XNDC1N: variants seen among roughly 807,000 people sequenced by gnomAD.
XNDC1N encodes the protein protein XNDC1N.
chr11:71,910,434 T>C, the XNDC1N span, among the ~76,000 whole-genome samples: 6 of 152,002 alleles, frequency 3.9e-5, no homozygotes, highest in East Asian at 7.7e-4. Flanking sequence ...TTGGACCGGG[T>C]TTCCCCAAGG....
the XNDC1N span, among the ~76,000 whole-genome samples, chr11:71,907,788 T>C: frequency 1.3e-5 from 2 of 152,118 alleles, no homozygotes; most frequent in Non-Finnish European, 2.9e-5. Context: ...GGGAACGATA[T>C]CCTTGGGGGT....
the XNDC1N span, among the ~76,000 whole-genome samples, chr11:71,908,494 C>A: frequency 6.6e-6 from 1 of 152,030 alleles, no homozygotes; most frequent in African/African-American, 2.4e-5. Flanking sequence ...CCATTCCACT[C>A]CTCCCTCAAC....
chr11:71,914,077 C>A, the XNDC1N span, among the ~76,000 whole-genome samples: 1 of 152,186 alleles, frequency 6.6e-6, no homozygotes, highest in East Asian at 1.9e-4. Context: ...TGTTTTCATG[C>A]CTACGAACGT....
the XNDC1N span, among the ~76,000 whole-genome samples, chr11:71,873,004 T>C: frequency 1.8e-4 from 28 of 152,294 alleles, 1 homozygote; most frequent in South Asian, 5.6e-3. Context: ...TCTCTTTTTC[T>C]CATGATGTTT....
chr11:71,910,378 C>T, the XNDC1N span, among the ~76,000 whole-genome samples: 22 of 152,156 alleles, frequency 1.4e-4, no homozygotes, highest in African/African-American at 4.6e-4. Flanking sequence ...AAGCTGTTTG[C>T]CTTTCAGTGG....
the XNDC1N span, among the ~76,000 whole-genome samples, chr11:71,906,612 A>G: frequency 4.6e-3 from 697 of 152,296 alleles, 6 homozygotes; most frequent in South Asian, 6.8e-3. Context: ...TACGAATTTT[A>G]TGACAGGGTC....
chr11:71,895,916 C>T, the XNDC1N span, among the ~76,000 whole-genome samples: 1 of 152,164 alleles, frequency 6.6e-6, no homozygotes, highest in Non-Finnish European at 1.5e-5. Flanking sequence ...CAGATCTGTA[C>T]ATTAAATGAA....
At chr11:71,927,743 CAAAT>C in the XNDC1N span, 1 of 152,100 alleles carries the variant, frequency 6.6e-6, no homozygotes, top group Non-Finnish European at 1.5e-5. Context: ...AAAAAATAAG[CAAAT>C]AAATCATAAT....
chr11:71,927,811 T>C, the XNDC1N span: 1 of 152,346 alleles, frequency 6.6e-6, no homozygotes, highest in Non-Finnish European at 1.5e-5. Context: ...ATTCTCCGTA[T>C]TAAGTGTCAC....
the XNDC1N span, among the ~76,000 whole-genome samples, chr11:71,896,587 G>C: frequency 0.09 from 13,688 of 152,080 alleles, 976 homozygotes; most frequent in African/African-American, 0.19. Flanking sequence ...TTTTGAGATG[G>C]AGTTTCACTC....
chr11:71,887,633 G>A, the XNDC1N span, among the ~76,000 whole-genome samples: 3 of 152,212 alleles, frequency 2.0e-5, no homozygotes, highest in Admixed American at 6.5e-5. Context: ...AGCCCTTCAA[G>A]GTATCCAGGT....
the XNDC1N span, chr11:71,878,415 A>G: frequency 6.2e-7 from 1 of 1,607,662 alleles, no homozygotes; most frequent in Non-Finnish European, 8.5e-7. Context: ...CTTCATCTCA[A>G]CTACTGATTC....
the XNDC1N span, among the ~76,000 whole-genome samples, chr11:71,890,786 T>C: frequency 6.6e-6 from 1 of 151,996 alleles, no homozygotes; most frequent in Non-Finnish European, 1.5e-5. Flanking sequence ...ATATTTGATA[T>C]CATCCTCTTC....
At chr11:71,906,440 C>T in the XNDC1N span, among the ~76,000 whole-genome samples, 9 of 152,062 alleles carry the variant, frequency 5.9e-5, no homozygotes, top group Non-Finnish European at 1.2e-4. Flanking sequence ...GGAGAACACG[C>T]TGTGTGACAT....
chr11:71,870,148 A>G, the XNDC1N span, among the ~76,000 whole-genome samples: 1 of 152,162 alleles, frequency 6.6e-6, no homozygotes, highest in African/African-American at 2.4e-5. Context: ...TGATTAAGTT[A>G]TCTCCTTCTG....
the XNDC1N span, among the ~76,000 whole-genome samples, chr11:71,918,025 T>C: frequency 1.3e-5 from 2 of 152,204 alleles, no homozygotes; most frequent in African/African-American, 2.4e-5. Flanking sequence ...GACTTGTTGC[T>C]TCTCTGTCCT....
the XNDC1N span, among the ~76,000 whole-genome samples, chr11:71,911,575 G>C: frequency 6.6e-6 from 1 of 152,266 alleles, no homozygotes; most frequent in East Asian, 1.9e-4. Context: ...TGAACTCATT[G>C]CTTTCATTGG....
At chr11:71,918,995 TTTAGCAAGTTCTCTACAGGA>T in the XNDC1N span, 503 of 702,806 alleles carry the variant, frequency 7.2e-4, 4 homozygotes, top group Non-Finnish European at 9.8e-4. Context: ...ACTATCTGGG[TTTAGCAAGTTCTCTACAGGA>T]TACTTGGGAT....
chr11:71,892,045 C>T, the XNDC1N span, among the ~76,000 whole-genome samples: 5 of 152,032 alleles, frequency 3.3e-5, no homozygotes, highest in African/African-American at 1.2e-4. Flanking sequence ...AACAATATCA[C>T]AGGGGGGTGT....
Sources: gnomAD v4.1 joint callset for allele counts (sites outside exome capture counted in the v4.1 genomes callset) on GRCh38, gnomAD v4.1.1 for gene constraint, MANE v1.5 for transcripts, NCBI Gene and HGNC (gene_info 2026-07-23, HGNC 2026-07-21) for gene names.